Variants in BMPR1B observed in about 807,000 individuals in gnomAD.
BMPR1B encodes bone morphogenetic protein receptor type 1B.
A neutral mutation model predicts 59.1 loss-of-function variants in BMPR1B; 12 were observed. The ratio of observed to expected loss-of-function variants is 0.20; its 90% CI spans 0.13 to 0.33. The LOEUF is 0.33. Among genes scored for constraint, BMPR1B ranks in the 10% least tolerant of loss-of-function variants. The probability of loss-of-function intolerance (pLI) is 1.00; values close to 1 mark genes in which losing one functional copy is unlikely to be tolerated. For synonymous variants in BMPR1B, 237 were observed against 207.3 expected (o/e 1.14, Z -1.23); for missense variants, 550 against 610.9 (o/e 0.90, Z 1.05).
In BMPR1B at chr4:94,840,556, G is replaced by A. The variant is rs373797507; in HGVS notation, c.-182-35275G>A. Among the ~76,000 whole-genome samples the A allele has an allele frequency of 3.6e-4, 53 of 145,242 alleles. 2 individuals are homozygous for A. In the East Asian group the frequency reaches 7.4e-3, roughly 20 times the overall value. ...ACCCTTTCTTCCAGTTGATCGCATC[G>A]GCTCCTGAGGCTTCTGCATTCTTCA... is the stretch of plus-strand genomic sequence containing the variant. On this transcript the variant is annotated intron_variant, in intron 1 of 12. Coordinates refer to ENST00000515059, the MANE Select transcript of BMPR1B (RefSeq NM_001203.3).
chr4:95,094,604 C>T (rs1303338903), intron 3 of BMPR1B, among the ~76,000 whole-genome samples: 1 of 152,062 alleles, frequency 6.6e-6, no homozygotes, highest in Non-Finnish European at 1.5e-5. Context: ...CTCCTCCACC[C>T]CACTGCAACC....
intron 2 of BMPR1B, among the ~76,000 whole-genome samples, chr4:94,992,732 C>T (rs201654460): frequency 1.3e-5 from 2 of 152,178 alleles, no homozygotes; most frequent in East Asian, 3.8e-4. Context: ...TAATATCATT[C>T]ATCTGCAATT....
chr4:95,105,104 A>G (rs561550679), intron 4 of BMPR1B, among the ~76,000 whole-genome samples: 1 of 152,250 alleles, frequency 6.6e-6, no homozygotes, highest in Non-Finnish European at 1.5e-5. Flanking sequence ...ATAGGTAATC[A>G]TGTTCTTATA....
intron 2 of BMPR1B, among the ~76,000 whole-genome samples, chr4:94,944,647 TG>T (rs1175212497): frequency 5.3e-5 from 8 of 152,188 alleles, no homozygotes; most frequent in Non-Finnish European, 1.2e-4. Flanking sequence ...GAAATGATGA[TG>T]ATGTTTATAC....
chr4:95,043,507 A>G (rs1050570242), intron 3 of BMPR1B, among the ~76,000 whole-genome samples: 8 of 152,188 alleles, frequency 5.3e-5, no homozygotes, highest in South Asian at 2.1e-4. Context: ...CTTTGTGTCT[A>G]ATCTTCTTAT....
At chr4:95,082,479 A>G (rs188047498) in intron 3 of BMPR1B, among the ~76,000 whole-genome samples, 1 of 152,194 alleles carries the variant, frequency 6.6e-6, no homozygotes, top group African/African-American at 2.4e-5. Flanking sequence ...TAACCCTTAC[A>G]TGGCAGAGTA....
chr4:94,944,497 A>G (rs1729633385), intron 2 of BMPR1B, among the ~76,000 whole-genome samples: 1 of 152,212 alleles, frequency 6.6e-6, no homozygotes, highest in Non-Finnish European at 1.5e-5. Context: ...TCCCTGGAGA[A>G]CATGATTCAA....
chr4:95,055,300 A>G (rs560393942), intron 3 of BMPR1B, among the ~76,000 whole-genome samples: 168 of 152,256 alleles, frequency 1.1e-3, no homozygotes, highest in Non-Finnish European at 2.0e-3. Context: ...TTTTAGTATA[A>G]TCAGGGCAAA....
At chr4:94,953,375 T>G (rs1730021359) in intron 2 of BMPR1B, among the ~76,000 whole-genome samples, 1 of 152,274 alleles carries the variant, frequency 6.6e-6, no homozygotes, top group African/African-American at 2.4e-5. Flanking sequence ...TTACATTTTG[T>G]TTTGTTTTTA....
chr4:95,115,977 G>A (rs1490572219), intron 6 of BMPR1B, among the ~76,000 whole-genome samples, 190 bp downstream of exon 6: 1 of 152,158 alleles, frequency 6.6e-6, no homozygotes, highest in African/African-American at 2.4e-5. Flanking sequence ...AGTCATATGT[G>A]ACTTCACTTT....
At chr4:95,011,634 A>G (rs1723235280) in intron 3 of BMPR1B, among the ~76,000 whole-genome samples, 1 of 152,184 alleles carries the variant, frequency 6.6e-6, no homozygotes, top group Non-Finnish European at 1.5e-5. Context: ...GTTACATTTT[A>G]TTAGCCAGCT....
At chr4:95,062,381 T>C (rs937588821) in intron 3 of BMPR1B, among the ~76,000 whole-genome samples, 1 of 152,182 alleles carries the variant, frequency 6.6e-6, no homozygotes, top group Non-Finnish European at 1.5e-5. Context: ...ATTTAGACTT[T>C]CATAATTTAG....
intron 2 of BMPR1B, among the ~76,000 whole-genome samples, chr4:94,964,918 A>G (rs1237576533): frequency 6.6e-6 from 1 of 152,144 alleles, no homozygotes; most frequent in Non-Finnish European, 1.5e-5. Context: ...CACAAATGGT[A>G]TTCTCCTACC....
At chr4:94,845,597 C>T (rs982887734) in intron 1 of BMPR1B, among the ~76,000 whole-genome samples, 1 of 152,170 alleles carries the variant, frequency 6.6e-6, no homozygotes, top group Non-Finnish European at 1.5e-5. Flanking sequence ...TCGCCTGGGC[C>T]TCCCAAAGTG....
At chr4:95,080,212 T>G (rs1232248230) in intron 3 of BMPR1B, among the ~76,000 whole-genome samples, 1 of 152,146 alleles carries the variant, frequency 6.6e-6, no homozygotes, top group East Asian at 1.9e-4. Context: ...TCTTAAAATA[T>G]TTTATGTATG....
intron 2 of BMPR1B, among the ~76,000 whole-genome samples, chr4:94,917,964 G>A (rs1305914616): frequency 6.6e-6 from 1 of 151,890 alleles, no homozygotes; most frequent in African/African-American, 2.4e-5. Flanking sequence ...AAAGTGTGTG[G>A]CACTTCCCTC....
intron 1 of BMPR1B, among the ~76,000 whole-genome samples, chr4:94,771,408 G>A (rs1182280544): frequency 6.6e-6 from 1 of 152,130 alleles, no homozygotes; most frequent in East Asian, 1.9e-4. Flanking sequence ...AGCCCTGGTG[G>A]TTCATGAGCT....
chr4:95,013,805 T>A (rs1723387836), intron 3 of BMPR1B, among the ~76,000 whole-genome samples: 2 of 152,222 alleles, frequency 1.3e-5, no homozygotes, highest in African/African-American at 4.8e-5. Context: ...TTTATGTATA[T>A]ATGTATGTAT....
At chr4:94,815,353 G>A (rs1723972113) in intron 1 of BMPR1B, among the ~76,000 whole-genome samples, 1 of 152,082 alleles carries the variant, frequency 6.6e-6, no homozygotes, top group African/African-American at 2.4e-5. Flanking sequence ...TATTTAGACT[G>A]TTATAAACAG....
Sources: allele counts gnomAD v4.1 joint callset (sites outside exome capture counted in the v4.1 genomes callset), GRCh38; gene constraint gnomAD v4.1.1; transcripts MANE v1.5; gene names NCBI Gene and HGNC (gene_info 2026-07-23, HGNC 2026-07-21).